Variants in MMP16 observed in about 807,000 individuals in gnomAD.
MMP16 encodes matrix metalloproteinase-16.
In MMP16, 12 loss-of-function variants were observed where a neutral mutation model predicts 67.8. The observed-to-expected ratio is 0.18, with a 90% confidence interval of 0.11 to 0.29. The LOEUF (loss-of-function observed/expected upper bound fraction) is 0.29. Among genes scored for constraint, MMP16 ranks in the 10% least tolerant of loss-of-function variants. MMP16 has a pLI of 1.00. For missense variants in MMP16, 475 were observed against 765.7 expected, an observed-to-expected ratio of 0.62 and a Z score of 4.48; for synonymous variants, 249 against 255.9, an observed-to-expected ratio of 0.97 and a Z score of 0.26.
intron 8 of MMP16, among the ~76,000 whole-genome samples, chr8:88,052,168 C>A (rs1808279178): frequency 6.6e-6 from 1 of 152,158 alleles, no homozygotes; most frequent in Non-Finnish European, 1.5e-5. Flanking sequence ...AATTATCCAA[C>A]CACCTACTTG....
chr8:88,092,030 A>T (rs999304944), intron 6 of MMP16, among the ~76,000 whole-genome samples: 3 of 151,868 alleles, frequency 2.0e-5, no homozygotes, highest in Admixed American at 6.6e-5. Flanking sequence ...AATAAATTCA[A>T]AAATGCAGCA....
chr8:88,167,204 C>T (rs573545616), intron 4 of MMP16, among the ~76,000 whole-genome samples: 1 of 151,956 alleles, frequency 6.6e-6, no homozygotes, highest in Non-Finnish European at 1.5e-5. Context: ...AAGAGCAAAA[C>T]TTCATCTCAA....
chr8:88,159,572 T>G (rs1042546363), intron 4 of MMP16, among the ~76,000 whole-genome samples: 3 of 152,198 alleles, frequency 2.0e-5, no homozygotes, highest in African/African-American at 7.2e-5. Flanking sequence ...TCATGTCATT[T>G]GCAAACAGGG....
chr8:88,149,012 C>A (rs998723725), intron 4 of MMP16, among the ~76,000 whole-genome samples: 1 of 152,130 alleles, frequency 6.6e-6, no homozygotes, highest in South Asian at 2.1e-4. Flanking sequence ...GCGCACCGGG[C>A]GCGAGCCAAA....
chr8:88,132,148 C>T (rs28907617), intron 4 of MMP16, among the ~76,000 whole-genome samples: 2 of 151,640 alleles, frequency 1.3e-5, no homozygotes, highest in Non-Finnish European at 2.9e-5. Flanking sequence ...TTAAAATATG[C>T]CATTAAATTA....
intron 1 of MMP16, among the ~76,000 whole-genome samples, chr8:88,315,784 A>C (rs948258648): frequency 6.6e-6 from 1 of 152,184 alleles, no homozygotes; most frequent in Non-Finnish European, 1.5e-5. Flanking sequence ...TTTATATTAA[A>C]AGCTAAAAAT....
intron 1 of MMP16, among the ~76,000 whole-genome samples, chr8:88,313,871 C>T (rs1189631315): frequency 2.6e-5 from 4 of 152,042 alleles, no homozygotes; most frequent in Non-Finnish European, 5.9e-5. Context: ...AGAGAAACTC[C>T]CCCTTACAGA....
chr8:88,196,723 T>C (rs1406422209), intron 2 of MMP16, among the ~76,000 whole-genome samples: 1 of 152,026 alleles, frequency 6.6e-6, no homozygotes, highest in Non-Finnish European at 1.5e-5. Flanking sequence ...GAGCCCTAAT[T>C]TGTGTTGTTT....
intron 4 of MMP16, among the ~76,000 whole-genome samples, chr8:88,153,181 G>A (rs1808439382): frequency 2.0e-5 from 3 of 149,058 alleles, no homozygotes; most frequent in South Asian, 4.3e-4. Context: ...CCTCTTCAAG[G>A]AGAACTACAA....
At chr8:88,294,511 TAC>T (rs764052796) in intron 1 of MMP16, among the ~76,000 whole-genome samples, 29 of 146,474 alleles carry the variant, frequency 2.0e-4, no homozygotes, top group East Asian at 7.9e-4. Context: ...TATATGTCTC[TAC>T]ACACACATGT....
At chr8:88,256,347 C>T (rs1247234313) in intron 1 of MMP16, among the ~76,000 whole-genome samples, 2 of 152,122 alleles carry the variant, frequency 1.3e-5, no homozygotes, top group East Asian at 1.9e-4. Flanking sequence ...AATGTTCTCT[C>T]TTTCTGAAAT....
intron 1 of MMP16, among the ~76,000 whole-genome samples, chr8:88,309,301 A>G (rs1407211528): frequency 6.6e-5 from 10 of 152,048 alleles, no homozygotes. Flanking sequence ...TACAAGTATG[A>G]AGTTGTTCTA....
chr8:88,287,690 C>A (rs1437092211), intron 1 of MMP16, among the ~76,000 whole-genome samples: 1 of 152,126 alleles, frequency 6.6e-6, no homozygotes, highest in Non-Finnish European at 1.5e-5. Flanking sequence ...AAAACTTATT[C>A]TTTCAACAAA....
At chr8:88,214,861 G>A (rs1201136323) in intron 1 of MMP16, among the ~76,000 whole-genome samples, 1 of 152,108 alleles carries the variant, frequency 6.6e-6, no homozygotes, top group East Asian at 1.9e-4. Context: ...CCTGTTTACT[G>A]CCAGTGTGAT....
chr8:88,186,289 A>T, intron 3 of MMP16, 187 bp downstream of exon 3: 1 of 534,370 alleles, frequency 1.9e-6, no homozygotes, highest in Non-Finnish European at 3.1e-6. Context: ...AGTGTCTCAG[A>T]GTGTCTACAT....
At chr8:88,269,109 A>G (rs1325015110) in intron 1 of MMP16, among the ~76,000 whole-genome samples, 1 of 152,216 alleles carries the variant, frequency 6.6e-6, no homozygotes, top group Non-Finnish European at 1.5e-5. Flanking sequence ...TAGACTTTGC[A>G]GAACAGACCA....
At chr8:88,269,771 A>G (rs1810536481) in intron 1 of MMP16, among the ~76,000 whole-genome samples, 1 of 152,214 alleles carries the variant, frequency 6.6e-6, no homozygotes, top group African/African-American at 2.4e-5. Flanking sequence ...TCTACGACCT[A>G]TTAAAATATT....
At chr8:88,177,880 C>T (rs1586190866) in intron 3 of MMP16, among the ~76,000 whole-genome samples, 1 of 151,708 alleles carries the variant, frequency 6.6e-6, no homozygotes, top group East Asian at 1.9e-4. Context: ...TACAGCAAAC[C>T]AACAGGGCTC....
chr8:88,176,979 T>C (rs779645391), intron 3 of MMP16, among the ~76,000 whole-genome samples: 2 of 152,182 alleles, frequency 1.3e-5, no homozygotes, highest in African/African-American at 2.4e-5. Context: ...TGTGGAAAAG[T>C]CAAACTTTCA....
Sources: allele counts gnomAD v4.1 joint callset (sites outside exome capture counted in the v4.1 genomes callset), GRCh38; gene constraint gnomAD v4.1.1; transcripts MANE v1.5; gene names NCBI Gene and HGNC (gene_info 2026-07-23, HGNC 2026-07-21).